The following OXR1 variants were observed in gnomAD, a reference collection of about 807,000 sequenced individuals.
OXR1 encodes oxidation resistance protein 1.
Under a neutral mutation model 104.6 loss-of-function variants are expected in OXR1, and 41 were observed. The ratio of observed to expected loss-of-function variants is 0.39; its 90% CI spans 0.31 to 0.51. OXR1 has a LOEUF of 0.51. Among genes scored for constraint, OXR1 ranks in the 20% least tolerant of loss-of-function variants. The probability of loss-of-function intolerance (pLI) is 0.77; values close to 1 mark genes in which losing one functional copy is unlikely to be tolerated. For synonymous variants in OXR1, 348 were observed against 348.4 expected (o/e 1.00, Z 0.01); for missense variants, 955 against 1,031.9 (o/e 0.93, Z 1.02).
intron 11 of OXR1, among the ~76,000 whole-genome samples, chr8:106,731,570 G>A (rs1388840657): frequency 6.6e-6 from 1 of 151,968 alleles, no homozygotes; most frequent in Non-Finnish European, 1.5e-5. Flanking sequence ...TAGTCCATTT[G>A]GTATAAAGAC....
intron 1 of OXR1, among the ~76,000 whole-genome samples, chr8:106,274,845 G>C (rs780068179): frequency 5.9e-5 from 9 of 152,220 alleles, no homozygotes; most frequent in Non-Finnish European, 7.3e-5. Flanking sequence ...CTGAGGAAAA[G>C]ATGACTTCAG....
chr8:106,278,852 A>T (rs752550956), intron 1 of OXR1, among the ~76,000 whole-genome samples: 2 of 152,210 alleles, frequency 1.3e-5, no homozygotes, highest in Non-Finnish European at 2.9e-5. Flanking sequence ...ATAAAATCAC[A>T]TATCTTTGCA....
intron 3 of OXR1, among the ~76,000 whole-genome samples, chr8:106,668,813 T>A (rs951837595): frequency 6.6e-6 from 1 of 152,186 alleles, no homozygotes; most frequent in Non-Finnish European, 1.5e-5. Context: ...GGGAAGCCCA[T>A]TTCTTCTGTC....
intron 3 of OXR1, among the ~76,000 whole-genome samples, chr8:106,636,895 T>A (rs1823189140): frequency 6.6e-6 from 1 of 152,178 alleles, no homozygotes; most frequent in Admixed American, 6.5e-5. Flanking sequence ...ATGTGTATGA[T>A]TTTCAATTTT....
At position 106,713,841 on chromosome 8, in the gene OXR1, C is replaced by A; in HGVS notation, c.1812C>A (p.Ala604=). Residue 604 remains alanine (A), a synonymous_variant, in exon 11 of 17, where the codon GCC becomes GCA. Coordinates refer to ENST00000517566, the MANE Select transcript of OXR1 (RefSeq NM_001198533.2). The part of the protein sequence containing the change: ...VPQERTDHLY[A]FFIQWSPEIY... ...CTAACAGGACAGATCACTTGTATGCCTTCTTCATTCAGTGGAGTCCAGAAA... is the reference window on the plus strand; with the variant it reads ...CTAACAGGACAGATCACTTGTATGCATTCTTCATTCAGTGGAGTCCAGAAA... The A allele has an allele frequency of 6.4e-7, 1 of 1,568,240 alleles. No homozygotes were observed. The highest frequency in any genetic ancestry group is 8.6e-7 in the Non-Finnish European group (1 of 1,165,632).
At chr8:106,367,520 G>T (rs1478280203) in intron 2 of OXR1, among the ~76,000 whole-genome samples, 14 of 151,810 alleles carry the variant, frequency 9.2e-5, no homozygotes, top group Non-Finnish European at 1.9e-4. Context: ...TATTAAATTA[G>T]AATTTAAAAA....
intron 3 of OXR1, among the ~76,000 whole-genome samples, chr8:106,601,904 G>T (rs2130755782): frequency 6.6e-6 from 1 of 152,294 alleles, no homozygotes; most frequent in South Asian, 2.1e-4. Context: ...AGGCTCTAGA[G>T]GTCAGAGACA....
intron 3 of OXR1, among the ~76,000 whole-genome samples, chr8:106,531,908 T>G (rs1814125698): frequency 6.6e-6 from 1 of 152,160 alleles, no homozygotes; most frequent in South Asian, 2.1e-4. Flanking sequence ...AAAGATGCAC[T>G]TAAGGAAAAG....
chr8:106,592,352 A>G (rs1222610073), intron 3 of OXR1, among the ~76,000 whole-genome samples: 13 of 152,226 alleles, frequency 8.5e-5, no homozygotes, highest in Non-Finnish European at 1.9e-4. Flanking sequence ...TTTCTGGAGT[A>G]CTAGGAGAAC....
At chr8:106,508,885 T>C (rs1447220475) in intron 2 of OXR1, among the ~76,000 whole-genome samples, 2 of 152,228 alleles carry the variant, frequency 1.3e-5, no homozygotes, top group Non-Finnish European at 2.9e-5. Flanking sequence ...TATTATTACC[T>C]GCAGAAGCTA....
intron 3 of OXR1, among the ~76,000 whole-genome samples, chr8:106,544,345 T>C (rs527633761): frequency 2.0e-5 from 3 of 152,310 alleles, no homozygotes; most frequent in African/African-American, 7.2e-5. Context: ...TTTCTTTGCC[T>C]GTATGAGCAT....
intron 3 of OXR1, among the ~76,000 whole-genome samples, chr8:106,594,682 G>A (rs1819377740): frequency 6.6e-6 from 1 of 152,308 alleles, no homozygotes; most frequent in African/African-American, 2.4e-5. Flanking sequence ...AAGACTGTGA[G>A]GCATGGAATC....
intron 2 of OXR1, among the ~76,000 whole-genome samples, chr8:106,515,257 G>A (rs938431828): frequency 5.9e-5 from 9 of 151,994 alleles, no homozygotes; most frequent in African/African-American, 2.2e-4. Flanking sequence ...TGTATATGCT[G>A]TGCAATGGCT....
intron 2 of OXR1, among the ~76,000 whole-genome samples, chr8:106,448,803 C>T (rs1319877042): frequency 6.6e-6 from 1 of 152,096 alleles, no homozygotes; most frequent in Non-Finnish European, 1.5e-5. Context: ...AGCAAACTAC[C>T]TTTACTCATG....
chr8:106,724,311 A>T (rs1259433760), intron 11 of OXR1, among the ~76,000 whole-genome samples: 1 of 152,204 alleles, frequency 6.6e-6, no homozygotes, highest in Non-Finnish European at 1.5e-5. Context: ...TATAATAATA[A>T]CAATTGACAT....
intron 1 of OXR1, among the ~76,000 whole-genome samples, chr8:106,337,250 C>T (rs1371546626): frequency 2.0e-5 from 3 of 151,918 alleles, no homozygotes; most frequent in Non-Finnish European, 2.9e-5. Flanking sequence ...ATTCTGTGGC[C>T]TAGATAGGTA....
intron 3 of OXR1, chr8:106,657,977 C>G (rs1167155653): frequency 8.0e-7 from 1 of 1,248,376 alleles, no homozygotes; most frequent in Admixed American, 4.2e-5. Context: ...GCGTCCAGCC[C>G]CGCGGCAGCA....
chr8:106,750,441 T>C (rs889361717), intron 16 of OXR1, among the ~76,000 whole-genome samples: 12 of 151,026 alleles, frequency 7.9e-5, no homozygotes, highest in African/African-American at 2.9e-4. Flanking sequence ...TTCTCCTGCC[T>C]CTGCCTCCCG....
intron 2 of OXR1, among the ~76,000 whole-genome samples, chr8:106,485,960 G>T (rs78283786): frequency 0.02 from 3,054 of 151,886 alleles, 96 homozygotes; most frequent in African/African-American, 0.069. Context: ...TGGGACAGAG[G>T]GGGTGGGGGT....
Sources: gnomAD v4.1 joint callset for allele counts (sites outside exome capture counted in the v4.1 genomes callset) on GRCh38, gnomAD v4.1.1 for gene constraint, MANE v1.5 for transcripts, NCBI Gene and HGNC (gene_info 2026-07-23, HGNC 2026-07-21) for gene names.